The following IL18BP variants were observed in gnomAD, a reference collection of about 807,000 sequenced individuals.
The protein encoded by IL18BP is interleukin-18-binding protein.
IL18BP carries 23 observed loss-of-function variants against 19.9 expected under a neutral mutation model. That is an observed-to-expected ratio of 1.15 (90% CI 0.83 to 1.64). IL18BP has a LOEUF of 1.64. IL18BP is among the 40% of genes most tolerant of loss of function. The pLI is 0.00. For synonymous variants in IL18BP, 107 were observed against 101.0 expected, an observed-to-expected ratio of 1.06 and a Z score of -0.35; for missense variants, 239 against 240.7, an observed-to-expected ratio of 0.99 and a Z score of 0.05.
At chr11:72,004,766 G>A, downstream of IL18BP, 1 of 1,602,220 alleles carries the variant, frequency 6.2e-7, no homozygotes, top group Non-Finnish European at 8.5e-7. Context: ...TCTCTTGGGG[G>A]TCTCCAGTTT....
At position 72,001,340 on chromosome 11, in the gene IL18BP, G is replaced by A; in HGVS notation, c.359+16G>A. ...GGAGCACCAGGTGAGGGTCGCAGCA[G>A]CCAGGTGGGTGGGAAGGAGGCCTTC... On this transcript the variant is annotated intron_variant, in intron 4 of 5. Coordinates refer to ENST00000393703, the MANE Select transcript of IL18BP (RefSeq NM_001039660.2). 2 of 1,614,246 alleles carry A rather than the reference G, an allele frequency of 1.2e-6. No individual in the cohort carries two copies. The highest frequency in any genetic ancestry group is 1.1e-5 in the South Asian group (1 of 91,088).
chr11:72,004,523 AGAGGGAAAGAGAGGGGGAAGT>A, downstream of IL18BP: 2 of 1,245,828 alleles, frequency 1.6e-6, no homozygotes, highest in Non-Finnish European at 2.2e-6. Context: ...GCCCTTGGAG[AGAGGGAAAGAGAGGGGGAAGT>A]GAGGGAAGGA....
downstream of IL18BP, chr11:72,005,498 A>G: frequency 1.2e-6 from 1 of 830,990 alleles, no homozygotes; most frequent in South Asian, 1.6e-5. Flanking sequence ...AGTCTGATTC[A>G]GTGCCGCAGG....
chr11:72,005,341 G>A (rs372053188), downstream of IL18BP: 46 of 1,608,224 alleles, frequency 2.9e-5, no homozygotes, highest in Middle Eastern at 3.3e-4. Flanking sequence ...GCTCATCCTG[G>A]CAAGTGCCCA....
At position 72,002,201 on chromosome 11, in the gene IL18BP, A is replaced by C. The variant is rs1955292915; in HGVS notation, c.*340A>C. On this transcript the variant is annotated 3_prime_UTR_variant, in exon 6 of 6. Transcript: ENST00000393703. ...CTCCAGGGCCCTACCTGCATTTCCC[A>C]CATGACTTTCTGGAAGCCTCCCAAC... The C allele has an allele frequency of 3.1e-6, 1 of 323,202 alleles. No homozygotes were observed. The highest frequency in any genetic ancestry group is 5.7e-6 in the Non-Finnish European group (1 of 175,660). The allele number at this position is 323,202 out of a possible 1,614,324, so 20.0% of individuals were successfully genotyped here.
chr11:72,003,799 C>A, downstream of IL18BP: 1 of 1,393,782 alleles, frequency 7.2e-7, no homozygotes, highest in African/African-American at 1.4e-5. Context: ...CTGGCGTGGC[C>A]CCATCTTGGA....
chr11:72,004,599 A>G (rs772384286), downstream of IL18BP: 10 of 1,592,412 alleles, frequency 6.3e-6, no homozygotes, highest in Middle Eastern at 2.2e-4. Context: ...GCCTGACCTG[A>G]GCACAGTGCT....
At chr11:72,007,375 G>C, downstream of IL18BP, 1 of 1,613,856 alleles carries the variant, frequency 6.2e-7, no homozygotes, top group Non-Finnish European at 8.5e-7. Context: ...GGCGCTGGGA[G>C]ATAGGTGAGG....
chr11:72,005,261 A>C, downstream of IL18BP: 1 of 1,604,682 alleles, frequency 6.2e-7, no homozygotes, highest in Non-Finnish European at 8.5e-7. Context: ...GCAGGTCTTC[A>C]GATGTGGGGG....
downstream of IL18BP, chr11:72,006,244 G>C (rs1427406643): frequency 6.2e-7 from 1 of 1,614,152 alleles, no homozygotes; most frequent in Non-Finnish European, 8.5e-7. Flanking sequence ...GGCGCTGTCT[G>C]GCTCTTCCAC....
chr11:71,999,643 C>T (rs192492524), intron 1 of IL18BP: 107 of 311,938 alleles, frequency 3.4e-4, no homozygotes, highest in African/African-American at 2.2e-3. Context: ...GAAGAGAGCA[C>T]TGCCTCCCTG....
At chr11:72,006,729 G>T (rs575089995), downstream of IL18BP, among the ~76,000 whole-genome samples, 1 of 152,268 alleles carries the variant, frequency 6.6e-6, no homozygotes, top group African/African-American at 2.4e-5. Context: ...GTAGCAGGGG[G>T]CACCCTAAAC....
At chr11:72,000,259 G>GA in intron 2 of IL18BP, 92 bp from the exon 3 acceptor site, 1 of 1,194,542 alleles carries the variant, frequency 8.4e-7, no homozygotes, top group Non-Finnish European at 1.2e-6. Context: ...TCCCTGGCTA[G>GA]AACCCAGACA....
In IL18BP at chr11:72,001,935, G is replaced by A; in HGVS notation, c.*74G>A. 1 of 1,598,846 alleles carries A rather than the reference G, an allele frequency of 6.3e-7. No individual in the cohort carries two copies. The highest frequency in any genetic ancestry group is 1.7e-4 in the Middle Eastern group (1 of 5,972). ...CCTACCTGTCTACCTGGAGTGAACA[G>A]TCCCTGACTGCCTGTAGGCTGCGTG... On this transcript the variant is annotated 3_prime_UTR_variant, in exon 6 of 6. Coordinates refer to ENST00000393703, the MANE Select transcript of IL18BP (RefSeq NM_001039660.2).
downstream of IL18BP, chr11:72,004,935 A>G: frequency 1.9e-6 from 2 of 1,052,800 alleles, no homozygotes; most frequent in Admixed American, 3.1e-5. Context: ...TTCCTGCCTC[A>G]CGAGGTAGAA....
downstream of IL18BP, chr11:72,007,561 G>C: frequency 8.2e-7 from 1 of 1,226,810 alleles, no homozygotes. Context: ...CCATCTCTCT[G>C]ATTTTTCAGA....
At chr11:72,008,028 T>C (rs902134542), downstream of IL18BP, 10 of 451,706 alleles carry the variant, frequency 2.2e-5, no homozygotes, top group Non-Finnish European at 4.0e-5. Flanking sequence ...CTGGGGAACC[T>C]TGGGCAAGTG....
At chr11:72,005,389 G>A, downstream of IL18BP, 1 of 1,600,538 alleles carries the variant, frequency 6.2e-7, no homozygotes, top group Non-Finnish European at 8.5e-7. Context: ...GCAGGGAAGT[G>A]GGAACAAATG....
rs776816823 is a variant in IL18BP at position 72,001,197 on chromosome 11, C to T, written c.236-4C>T. 9.3e-6 allele frequency: 15 copies of T among 1,613,968 alleles called. No homozygotes were observed. The African/African-American group carries it at 1.9e-4, about 20-fold the overall frequency. On this transcript the variant is annotated splice_region_variant and splice_polypyrimidine_tract_variant and intron_variant, in intron 3 of 5. Transcript: ENST00000393703. ...GAAGAGCTAACTGCTGCCTGTGTCC[C>T]TAGATGGAACGCTGAGCTTATCCTG...
Sources: gnomAD v4.1 joint callset for allele counts (sites outside exome capture counted in the v4.1 genomes callset) on GRCh38, gnomAD v4.1.1 for gene constraint, MANE v1.5 for transcripts, NCBI Gene and HGNC (gene_info 2026-07-23, HGNC 2026-07-21) for gene names.